The following SLX4IP variants were observed in gnomAD, a reference collection of about 807,000 sequenced individuals.
SLX4IP encodes the protein protein SLX4IP.
In SLX4IP, 34 loss-of-function variants were observed where a neutral mutation model predicts 32.9. The ratio of observed to expected loss-of-function variants is 1.03; its 90% CI spans 0.79 to 1.38. The LOEUF (loss-of-function observed/expected upper bound fraction) is 1.38, where lower values mean the gene tolerates loss of function less well. SLX4IP is among the 40% of genes most tolerant of loss of function. The probability of loss-of-function intolerance (pLI) is 0.00; values close to 1 mark genes in which losing one functional copy is unlikely to be tolerated. For synonymous variants in SLX4IP, 172 were observed against 171.7 expected, an observed-to-expected ratio of 1.00 and a Z score of -0.01; for missense variants, 444 against 479.0, an observed-to-expected ratio of 0.93 and a Z score of 0.68.
chr20:10,437,522 G>A (rs1180985967), intron 1 of SLX4IP, among the ~76,000 whole-genome samples: 2 of 152,102 alleles, frequency 1.3e-5, no homozygotes, highest in East Asian at 3.8e-4. Context: ...TAAAATAATC[G>A]GGATTTTGAA....
At chr20:10,554,349 T>C (rs2066247305) in intron 2 of SLX4IP, among the ~76,000 whole-genome samples, 1 of 152,246 alleles carries the variant, frequency 6.6e-6, no homozygotes, top group Non-Finnish European at 1.5e-5. Flanking sequence ...TTGTAGACTT[T>C]TGGGTTGTCT....
chr20:10,560,648 A>T, intron 3 of SLX4IP, 52 bp from the exon 4 acceptor site: 1 of 1,319,300 alleles, frequency 7.6e-7, no homozygotes, highest in Non-Finnish European at 1.0e-6. Flanking sequence ...TATATATGTT[A>T]ATTTTTTTGC....
chr20:10,585,133 ATCT>A (rs1236192978), intron 4 of SLX4IP, among the ~76,000 whole-genome samples: 1 of 152,138 alleles, frequency 6.6e-6, no homozygotes, highest in Non-Finnish European at 1.5e-5. Context: ...TCTGCTTCTC[ATCT>A]TTGCAAAGTT....
intron 2 of SLX4IP, among the ~76,000 whole-genome samples, chr20:10,475,972 G>C (rs2065472814): frequency 6.6e-6 from 1 of 152,192 alleles, no homozygotes; most frequent in African/African-American, 2.4e-5. Context: ...AGTTTGTAGA[G>C]AGGCCTCGGG....
At chr20:10,586,223 T>G (rs989076878) in intron 4 of SLX4IP, among the ~76,000 whole-genome samples, 2 of 152,162 alleles carry the variant, frequency 1.3e-5, no homozygotes, top group Non-Finnish European at 2.9e-5. Context: ...AAAATAAATA[T>G]AACAGTTTAT....
chr20:10,594,399 G>A (rs1040247517), intron 4 of SLX4IP, among the ~76,000 whole-genome samples: 3 of 152,160 alleles, frequency 2.0e-5, no homozygotes, highest in African/African-American at 7.2e-5. Flanking sequence ...GGCTCACCAA[G>A]CCACACAGAG....
chr20:10,609,072 CAGAGGAGGA>C (rs1338863164), intron 6 of SLX4IP, among the ~76,000 whole-genome samples: 1 of 152,002 alleles, frequency 6.6e-6, no homozygotes, highest in Non-Finnish European at 1.5e-5. Context: ...AACCAACATC[CAGAGGAGGA>C]AGAGGAGGAG....
In SLX4IP at chr20:10,511,761, C is replaced by T. The variant is rs573433767; in HGVS notation, c.28-44470C>T. Among the ~76,000 whole-genome samples the T allele has an allele frequency of 4.6e-5, 7 of 152,336 alleles. No individual in the cohort carries two copies. In the South Asian group the frequency reaches 1.4e-3, roughly 32 times the overall value. ...AGTCACCACACGGTGCTGACTCACC[C>T]TCTTCACGTGACAGCCCTTCCTGTG... is the stretch of plus-strand genomic sequence containing the variant. On this transcript the variant is annotated intron_variant, in intron 2 of 7. Coordinates refer to ENST00000334534, the MANE Select transcript of SLX4IP (RefSeq NM_001009608.3).
At chr20:10,480,927 T>C (rs649067) in intron 2 of SLX4IP, among the ~76,000 whole-genome samples, 29,704 of 152,182 alleles carry the variant, frequency 0.2, 3,520 homozygotes, top group East Asian at 0.27. Flanking sequence ...TTATCTGATA[T>C]TGAATATTGC....
chr20:10,561,953 CAG>C (rs1453035755), intron 4 of SLX4IP, among the ~76,000 whole-genome samples: 1 of 152,150 alleles, frequency 6.6e-6, no homozygotes, highest in Non-Finnish European at 1.5e-5. Flanking sequence ...ATCCCTGAAA[CAG>C]GGCGTGGGAT....
intron 4 of SLX4IP, among the ~76,000 whole-genome samples, chr20:10,578,369 A>G (rs1029863401): frequency 1.3e-5 from 2 of 152,214 alleles, no homozygotes; most frequent in African/African-American, 4.8e-5. Context: ...TTCACTCAGC[A>G]TAATGTTTTC....
chr20:10,566,364 T>C (rs953023983), intron 4 of SLX4IP, among the ~76,000 whole-genome samples: 8 of 136,688 alleles, frequency 5.9e-5, no homozygotes, highest in Non-Finnish European at 1.1e-4. Context: ...GCATTTCAAC[T>C]CCCCTTTGGC....
At chr20:10,497,564 T>C (rs1437460129) in intron 2 of SLX4IP, among the ~76,000 whole-genome samples, 2 of 152,168 alleles carry the variant, frequency 1.3e-5, no homozygotes, top group Non-Finnish European at 2.9e-5. Flanking sequence ...TTCTGCCCTA[T>C]TACTTGTGTT....
intron 2 of SLX4IP, among the ~76,000 whole-genome samples, chr20:10,459,218 T>G (rs1030728248): frequency 8.5e-5 from 13 of 152,114 alleles, no homozygotes; most frequent in Admixed American, 6.5e-5. Context: ...ATTTGTTTTT[T>G]TTCTTGTAAG....
chr20:10,573,320 A>AC (rs2066488033), intron 4 of SLX4IP, among the ~76,000 whole-genome samples: 1 of 152,236 alleles, frequency 6.6e-6, no homozygotes, highest in East Asian at 1.9e-4. Context: ...GCTCTAAAAC[A>AC]CCATCCATAG....
intron 1 of SLX4IP, among the ~76,000 whole-genome samples, chr20:10,450,147 A>G (rs1600882888): frequency 2.0e-5 from 3 of 152,100 alleles, no homozygotes; most frequent in African/African-American, 7.2e-5. Context: ...AAAAAAGTAC[A>G]TATGGGAAAA....
intron 4 of SLX4IP, among the ~76,000 whole-genome samples, chr20:10,597,165 A>G (rs2066780360): frequency 6.6e-6 from 1 of 152,220 alleles, no homozygotes; most frequent in Non-Finnish European, 1.5e-5. Context: ...TATTCTTTAT[A>G]TAAGTTATTT....
chr20:10,618,207 G>C (rs1217899174), intron 6 of SLX4IP, among the ~76,000 whole-genome samples: 1 of 152,170 alleles, frequency 6.6e-6, no homozygotes, highest in Non-Finnish European at 1.5e-5. Flanking sequence ...CTGGTCTCCA[G>C]AGTACCCCCA....
At chr20:10,455,579 TTTTATTTA>T (rs142542742) in intron 1 of SLX4IP, among the ~76,000 whole-genome samples, 53 of 144,998 alleles carry the variant, frequency 3.7e-4, no homozygotes, top group African/African-American at 1.2e-3. Context: ...CCTGTATGTC[TTTTATTTA>T]TTTATTTATT....
Sources: allele counts gnomAD v4.1 joint callset (sites outside exome capture counted in the v4.1 genomes callset), GRCh38; gene constraint gnomAD v4.1.1; transcripts MANE v1.5; gene names NCBI Gene and HGNC (gene_info 2026-07-23, HGNC 2026-07-21).